MBP: variants seen among roughly 807,000 people sequenced by gnomAD.
The protein encoded by MBP is Golli-MBP.
A neutral mutation model predicts 35.8 loss-of-function variants in MBP; 16 were observed. The ratio of observed to expected loss-of-function variants is 0.45; its 90% CI spans 0.30 to 0.68. The LOEUF (loss-of-function observed/expected upper bound fraction) is 0.68. MBP is among the 30% of genes least tolerant of loss of function. MBP has a pLI of 0.08. For synonymous variants in MBP, 143 were observed against 159.6 expected (o/e 0.90, Z 0.78); for missense variants, 380 against 404.7 (o/e 0.94, Z 0.52).
rs560240780 is a variant in MBP at position 77,098,584 on chromosome 18, G to A, written c.51+6627C>T. The stretch of plus-strand genomic sequence containing the variant: ...TCCACTCATGAATTAAAAACAGGCT[G>A]TGTGTTGTCAGAGAAAATTCGTGGC... On this transcript the variant is annotated intron_variant, in intron 2 of 8. Transcript: ENST00000355994. 2.1e-4 allele frequency among the ~76,000 whole-genome samples: 32 copies of A among 152,338 alleles called. No homozygotes were observed. The South Asian group carries it at 5.8e-3, about 28-fold the overall frequency.
intron 3 of MBP, among the ~76,000 whole-genome samples, chr18:77,031,961 C>A (rs1457535326): frequency 6.6e-6 from 1 of 152,218 alleles, no homozygotes; most frequent in Non-Finnish European, 1.5e-5. Flanking sequence ...TGTGAAGAGT[C>A]GGACAGAAAC....
intron 8 of MBP, chr18:76,981,543 C>T (rs1177282406): frequency 6.6e-6 from 1 of 152,182 alleles, no homozygotes; most frequent in Non-Finnish European, 1.5e-5. Context: ...TATAAACAAG[C>T]CTCTATGTTG....
rs747036508 is a variant in MBP at position 76,984,796 on chromosome 18, C to T, written c.849G>A (p.Thr283=). 15 of 1,614,060 alleles carry T rather than the reference C, an allele frequency of 9.3e-6. No individual in the cohort carries two copies. In the South Asian group the frequency reaches 9.9e-5, roughly 11 times the overall value. The change falls in exon 8 of 9, where the codon ACG becomes ACA. Residue 283 remains threonine (T), a synonymous_variant. Coordinates refer to ENST00000355994, the MANE Select transcript of MBP (RefSeq NM_001025101.2). ...TTACCAGCTTAAAAATTTTGGAAAG[C>T]GTGCCCTGGGCATCGACTCCCTTGA... ...KGFKGVDAQG[T]LSKIFKLGGR...
chr18:77,050,519 C>T (rs1439864954), intron 3 of MBP, among the ~76,000 whole-genome samples: 3 of 152,146 alleles, frequency 2.0e-5, no homozygotes, highest in East Asian at 1.9e-4. Flanking sequence ...GTGTGCCTCG[C>T]AGGTACTACT....
At chr18:77,042,218 G>T (rs922030841) in intron 3 of MBP, among the ~76,000 whole-genome samples, 3 of 152,156 alleles carry the variant, frequency 2.0e-5, no homozygotes, top group Non-Finnish European at 4.4e-5. Context: ...GCAGGAAGTG[G>T]CATGCTCTCT....
chr18:77,041,735 A>G (rs2144627504), intron 3 of MBP, among the ~76,000 whole-genome samples: 1 of 139,082 alleles, frequency 7.2e-6, no homozygotes, highest in South Asian at 2.3e-4. Context: ...CAATGAGAAC[A>G]CATGGACACA....
intron 4 of MBP, chr18:77,004,976 G>C (rs895615896): frequency 1.3e-5 from 2 of 152,240 alleles, no homozygotes; most frequent in Admixed American, 6.5e-5. Context: ...GGTGATACAG[G>C]GGTCGGTATC....
chr18:77,130,728 T>G (rs1977215362), intron 1 of MBP, among the ~76,000 whole-genome samples: 1 of 151,770 alleles, frequency 6.6e-6, no homozygotes, highest in African/African-American at 2.4e-5. Context: ...TGGCTACCTT[T>G]AATCAGCGCA....
At position 76,989,185 on chromosome 18, in the gene MBP, T is replaced by C; in HGVS notation, c.682-273A>G. ...GCTCCGTAGCTGGGGAATGGGCCCA[T>C]CTTGGGACACTGAGGGAGGCGGCGG... On this transcript the variant is annotated intron_variant, in intron 5 of 8. Transcript: ENST00000355994. The surrounding 1 kb of genome is among the most constrained non-coding windows in gnomAD (Gnocchi z 4.0). The C allele has an allele frequency of 1.6e-6, 1 of 637,746 alleles. No homozygotes were observed. Among genetic ancestry groups the C allele is most frequent in the Non-Finnish European group, 2.9e-6 (1 of 345,486 alleles). The allele number at this position is 637,746 out of a possible 1,614,324, so 39.5% of individuals were successfully genotyped here. A position where few individuals can be genotyped will look rare whatever the true frequency, so the allele number is the denominator to read the frequency against.
intron 3 of MBP, among the ~76,000 whole-genome samples, chr18:77,024,764 C>T (rs1465150831): frequency 6.6e-6 from 1 of 152,276 alleles, no homozygotes; most frequent in African/African-American, 2.4e-5. Flanking sequence ...CGACCTCAGT[C>T]CCAACACTGA....
At chr18:76,987,689 C>T (rs542700642) in intron 7 of MBP, 2 of 989,696 alleles carry the variant, frequency 2.0e-6, no homozygotes, top group African/African-American at 3.5e-5. Flanking sequence ...CAGACACAAC[C>T]TATCTACAAT....
At chr18:76,987,493 C>T (rs1414519884) in intron 7 of MBP, 16 of 985,448 alleles carry the variant, frequency 1.6e-5, no homozygotes, top group Non-Finnish European at 1.9e-5. Flanking sequence ...AGTACCCTGC[C>T]CCTTCCTCCC....
intron 3 of MBP, among the ~76,000 whole-genome samples, chr18:77,064,591 G>A (rs1336938996): frequency 6.6e-6 from 1 of 152,186 alleles, no homozygotes; most frequent in Non-Finnish European, 1.5e-5. Flanking sequence ...TCTGTTTTAT[G>A]TGTGTTTGCT....
At chr18:77,084,431 C>CACACACA (rs60600826) in intron 2 of MBP, among the ~76,000 whole-genome samples, 3,345 of 105,872 alleles carry the variant, frequency 0.032, 182 homozygotes, top group African/African-American at 0.073. Context: ...CCACACCACA[C>CACACACA]CACACACACA....
intron 2 of MBP, among the ~76,000 whole-genome samples, chr18:77,086,215 G>A (rs1048722448): frequency 2.0e-5 from 3 of 152,222 alleles, no homozygotes; most frequent in African/African-American, 7.2e-5. Context: ...CTTGTCCTAA[G>A]AGCTGGAGGA....
intron 2 of MBP, chr18:77,067,848 A>G: frequency 1.9e-6 from 1 of 512,890 alleles, no homozygotes; most frequent in Non-Finnish European, 3.9e-6. Flanking sequence ...AGGGGCAGGC[A>G]CAGCCATTAA....
chr18:77,063,786 G>A (rs76610178), intron 3 of MBP, among the ~76,000 whole-genome samples: 5,473 of 152,240 alleles, frequency 0.036, 121 homozygotes, highest in East Asian at 0.089. Context: ...GGAGGGCTGC[G>A]TTTGGAAGGG....
At chr18:77,054,135 A>G (rs952169261) in intron 3 of MBP, among the ~76,000 whole-genome samples, 4 of 152,166 alleles carry the variant, frequency 2.6e-5, no homozygotes, top group Admixed American at 6.5e-5. Flanking sequence ...CAGAGACTCT[A>G]TGTGGAAGCC....
At chr18:77,088,928 A>C (rs978704745) in intron 2 of MBP, among the ~76,000 whole-genome samples, 1 of 152,212 alleles carries the variant, frequency 6.6e-6, no homozygotes, top group Non-Finnish European at 1.5e-5. Flanking sequence ...CCTAAAATCA[A>C]GGCCTGAGTC....
Sources: allele counts gnomAD v4.1 joint callset (sites outside exome capture counted in the v4.1 genomes callset), GRCh38; gene constraint gnomAD v4.1.1; non-coding constraint Gnocchi (gnomAD v3.1); transcripts MANE v1.5; gene names NCBI Gene and HGNC (gene_info 2026-07-23, HGNC 2026-07-21).